LRIF1: variants seen among roughly 807,000 people sequenced by gnomAD.
LRIF1 encodes the protein ligand dependent nuclear receptor interacting factor 1.
In LRIF1, 32 loss-of-function variants were observed where a neutral mutation model predicts 52.7. The observed-to-expected ratio is 0.61, with a 90% CI of 0.46 to 0.82. The LOEUF (loss-of-function observed/expected upper bound fraction) is 0.82. Ranked by LOEUF, LRIF1 falls within the 40% of genes least tolerant of loss-of-function variation. The pLI, the probability that LRIF1 is intolerant of heterozygous loss-of-function variation, is 0.00. For missense variants in LRIF1, 887 were observed against 892.0 expected, an observed-to-expected ratio of 0.99 and a Z score of 0.07; for synonymous variants, 323 against 317.4, an observed-to-expected ratio of 1.02 and a Z score of -0.19.
the LRIF1 span, among the ~76,000 whole-genome samples, chr1:110,935,902 A>G: frequency 6.6e-6 from 1 of 152,152 alleles, no homozygotes. Flanking sequence ...GGCATTTAAT[A>G]ATCAAACTCC....
the LRIF1 span, chr1:110,897,835 G>A: frequency 6.2e-7 from 1 of 1,612,052 alleles, no homozygotes; most frequent in Non-Finnish European, 8.5e-7. Flanking sequence ...CAAGACTGTG[G>A]TTTCATTCCA....
chr1:110,951,278 G>C lies in LRIF1; in HGVS notation c.1596+10C>G. On this transcript the variant is annotated intron_variant, in intron 2 of 3. Transcript: ENST00000369763. ...TATATAAAAAGAGCACCCTGACATG[G>C]GAAAATTACCTTTGGTTCTTGGTCT... 6.3e-7 allele frequency: 1 copy of C among 1,595,214 alleles called. No individual in the cohort carries two copies. Among genetic ancestry groups the C allele is most frequent in the Non-Finnish European group, 8.5e-7 (1 of 1,172,734 alleles).
chr1:110,902,232 TTTTA>T, the LRIF1 span, among the ~76,000 whole-genome samples: 1 of 152,300 alleles, frequency 6.6e-6, no homozygotes, highest in Middle Eastern at 3.4e-3. Flanking sequence ...AGTCTAGATT[TTTTA>T]TTTATTATAG....
chr1:110,891,117 T>A, the LRIF1 span, among the ~76,000 whole-genome samples: 1 of 152,268 alleles, frequency 6.6e-6, no homozygotes, highest in African/African-American at 2.4e-5. Flanking sequence ...CTGTGACTCA[T>A]CCTCTTCTAA....
At chr1:110,901,150 G>GT in the LRIF1 span, among the ~76,000 whole-genome samples, 563 of 150,656 alleles carry the variant, frequency 3.7e-3, 2 homozygotes, top group East Asian at 0.012. Context: ...CTCTCTCTCT[G>GT]TTTTTTTTTG....
intron 2 of LRIF1, among the ~76,000 whole-genome samples, chr1:110,950,577 A>C (rs999609953): frequency 2.6e-5 from 4 of 152,176 alleles, no homozygotes; most frequent in Non-Finnish European, 5.9e-5. Context: ...TAGACCTCTA[A>C]GTAAGCAAGG....
the LRIF1 span, among the ~76,000 whole-genome samples, chr1:110,888,071 G>A: frequency 2.6e-5 from 4 of 152,202 alleles, no homozygotes; most frequent in African/African-American, 9.7e-5. Flanking sequence ...ATGCAAGAAA[G>A]GAGGTAAGGA....
chr1:110,899,074 G>T, the LRIF1 span: 4 of 1,443,616 alleles, frequency 2.8e-6, no homozygotes, highest in South Asian at 3.5e-5. Flanking sequence ...CATTGTGAAA[G>T]AAATGGCTTT....
the LRIF1 span, chr1:110,899,169 A>G: frequency 6.2e-7 from 1 of 1,613,808 alleles, no homozygotes; most frequent in Non-Finnish European, 8.5e-7. Flanking sequence ...CCAGATTGAC[A>G]AAACCAGCCA....
At chr1:110,884,378 A>G in the LRIF1 span, among the ~76,000 whole-genome samples, 5 of 152,068 alleles carry the variant, frequency 3.3e-5, no homozygotes, top group Admixed American at 2.0e-4. Flanking sequence ...AACTTGATTT[A>G]TGGTCCAGAA....
the LRIF1 span, among the ~76,000 whole-genome samples, chr1:110,924,754 T>C: frequency 1.3e-5 from 2 of 152,122 alleles, no homozygotes; most frequent in African/African-American, 4.8e-5. Flanking sequence ...AAGAACATTA[T>C]GATAAAGAAA....
chr1:110,889,270 T>C, the LRIF1 span, among the ~76,000 whole-genome samples: 1 of 151,954 alleles, frequency 6.6e-6, no homozygotes, highest in African/African-American at 2.4e-5. Flanking sequence ...TAAGACTCAA[T>C]AATTGGCCGG....
the LRIF1 span, among the ~76,000 whole-genome samples, chr1:110,878,451 G>A: frequency 1.3e-5 from 2 of 152,194 alleles, no homozygotes; most frequent in African/African-American, 4.8e-5. Context: ...ATATGGAGAA[G>A]TGTCTGGAAA....
Position 110,951,786 on chromosome 1 carries a change from CAGAT to C in LRIF1, c.1094_1097del (p.Tyr365CysfsTer26). 1 of 1,612,508 alleles carries C rather than the reference CAGAT, an allele frequency of 6.2e-7. No individual in the cohort carries two copies. The highest frequency in any genetic ancestry group is 8.5e-7 in the Non-Finnish European group (1 of 1,180,006). ...GAACATCTGTCCCCTTTTTAGCCAA[CAGAT>C]AGACTTTCCCATTAAACATAACCAA... On this transcript the variant is annotated frameshift_variant, in exon 2 of 4. Coordinates refer to ENST00000369763, the MANE Select transcript of LRIF1 (RefSeq NM_018372.4). LOFTEE classifies it high-confidence loss of function.
chr1:110,957,487 A>AAAAAAAAAAAAAAAAAC (rs1658753595), intron 1 of LRIF1, among the ~76,000 whole-genome samples: 1 of 149,080 alleles, frequency 6.7e-6, no homozygotes, highest in Non-Finnish European at 1.5e-5. Flanking sequence ...AAAAAAAAAA[A>AAAAAAAAAAAAAAAAAC]AAAAAGACTG....
the LRIF1 span, among the ~76,000 whole-genome samples, chr1:110,909,783 G>T: frequency 1.3e-5 from 2 of 151,856 alleles, no homozygotes; most frequent in African/African-American, 2.4e-5. Flanking sequence ...GTTTCTCCAT[G>T]TTGGTCAGGC....
intron 1 of LRIF1, among the ~76,000 whole-genome samples, chr1:110,957,289 C>T (rs1243205474): frequency 1.6e-5 from 2 of 124,814 alleles, no homozygotes; most frequent in Non-Finnish European, 3.2e-5. Flanking sequence ...AACCCCATCT[C>T]TACTAAAAAT....
the LRIF1 span, among the ~76,000 whole-genome samples, chr1:110,929,247 A>C: frequency 9.2e-5 from 14 of 152,282 alleles, no homozygotes; most frequent in African/African-American, 3.1e-4. Flanking sequence ...TGTCTTTATG[A>C]TAGAATGATT....
the LRIF1 span, among the ~76,000 whole-genome samples, chr1:110,906,224 C>T: frequency 6.6e-6 from 1 of 152,098 alleles, no homozygotes; most frequent in African/African-American, 2.4e-5. Flanking sequence ...CTAAAGCCAA[C>T]TGTATTTCTA....
Sources: allele counts gnomAD v4.1 joint callset (sites outside exome capture counted in the v4.1 genomes callset), GRCh38; gene constraint gnomAD v4.1.1; transcripts MANE v1.5; gene names NCBI Gene and HGNC (gene_info 2026-07-23, HGNC 2026-07-21).